ADAMTSL3: variants seen among roughly 807,000 people sequenced by gnomAD.
ADAMTSL3 encodes ADAMTS like 3.
Under a neutral mutation model 201.7 loss-of-function variants are expected in ADAMTSL3, and 128 were observed. That is an observed-to-expected ratio of 0.63 (90% CI 0.55 to 0.73). The LOEUF (loss-of-function observed/expected upper bound fraction) is 0.73. ADAMTSL3 is among the 30% of genes least tolerant of loss of function. The probability of loss-of-function intolerance (pLI) is 0.00; values close to 1 mark genes in which losing one functional copy is unlikely to be tolerated. For missense variants in ADAMTSL3, 1,990 were observed against 2,119.6 expected (o/e 0.94, Z 1.20); for synonymous variants, 738 against 748.4 (o/e 0.99, Z 0.23).
At chr15:83,923,475 T>C (rs1398542641) in intron 16 of ADAMTSL3, among the ~76,000 whole-genome samples, 2 of 152,214 alleles carry the variant, frequency 1.3e-5, no homozygotes, top group African/African-American at 2.4e-5. Context: ...TGCAGTGATA[T>C]AGAGAAAGTG....
chr15:83,865,132 G>A (rs11633097), intron 8 of ADAMTSL3, among the ~76,000 whole-genome samples: 21,091 of 152,192 alleles, frequency 0.14, 1,904 homozygotes, highest in Middle Eastern at 0.33. Context: ...ACAAGTGGAA[G>A]AACATTCCAT....
intron 4 of ADAMTSL3, among the ~76,000 whole-genome samples, chr15:83,779,644 G>C (rs2063134338): frequency 7.0e-6 from 1 of 142,724 alleles, no homozygotes; most frequent in Non-Finnish European, 1.5e-5. Flanking sequence ...CTTGCAGTGA[G>C]CCGAGATCGC....
chr15:83,824,480 A>G (rs1345076965), intron 6 of ADAMTSL3, among the ~76,000 whole-genome samples: 1 of 152,230 alleles, frequency 6.6e-6, no homozygotes, highest in African/African-American at 2.4e-5. Context: ...ACACTGACAC[A>G]TCATAATCAC....
intron 23 of ADAMTSL3, among the ~76,000 whole-genome samples, chr15:83,996,780 CAAAAAAAAAAAA>C (rs35758954): frequency 2.1e-4 from 7 of 33,838 alleles, no homozygotes; most frequent in Admixed American, 4.1e-4. Context: ...GACTCTGCCT[CAAAAAAAAAAAA>C]AAAAAAAAAA....
chr15:83,668,570 T>C (rs540638943), intron 2 of ADAMTSL3, among the ~76,000 whole-genome samples: 2 of 152,326 alleles, frequency 1.3e-5, no homozygotes, highest in East Asian at 3.9e-4. Flanking sequence ...TTTTCATTTT[T>C]ATTTTTGCTA....
At chr15:83,972,569 C>A (rs2067216003) in intron 20 of ADAMTSL3, among the ~76,000 whole-genome samples, 1 of 151,744 alleles carries the variant, frequency 6.6e-6, no homozygotes, top group Non-Finnish European at 1.5e-5. Flanking sequence ...CAATGTGGTA[C>A]AAGATGAAAT....
At chr15:83,993,315 A>G (rs1596510231) in intron 23 of ADAMTSL3, among the ~76,000 whole-genome samples, 1 of 152,218 alleles carries the variant, frequency 6.6e-6, no homozygotes, top group African/African-American at 2.4e-5. Context: ...ATATTATATT[A>G]ATAGAAGAAG....
At chr15:83,790,313 T>C (rs2063324935) in intron 4 of ADAMTSL3, among the ~76,000 whole-genome samples, 1 of 149,078 alleles carries the variant, frequency 6.7e-6, no homozygotes, top group Admixed American at 6.8e-5. Flanking sequence ...ATCTCATGAA[T>C]ATAGAAGTAA....
intron 15 of ADAMTSL3, among the ~76,000 whole-genome samples, chr15:83,907,672 G>T (rs2065865899): frequency 6.6e-6 from 1 of 152,092 alleles, no homozygotes; most frequent in Non-Finnish European, 1.5e-5. Flanking sequence ...CCAAAGTGCT[G>T]GGATTACAGG....
At chr15:83,873,904 A>G (rs2141835921) in intron 9 of ADAMTSL3, among the ~76,000 whole-genome samples, 1 of 145,366 alleles carries the variant, frequency 6.9e-6, no homozygotes, top group African/African-American at 2.6e-5. Flanking sequence ...AAGTAGGGTT[A>G]TTATTATTTT....
At chr15:84,025,784 A>C (rs1330615133) in intron 27 of ADAMTSL3, among the ~76,000 whole-genome samples, 1 of 152,196 alleles carries the variant, frequency 6.6e-6, no homozygotes, top group African/African-American at 2.4e-5. Flanking sequence ...CTTCATCCCA[A>C]ATGCCACCTT....
At chr15:83,850,520 A>G (rs2064590862) in intron 7 of ADAMTSL3, among the ~76,000 whole-genome samples, 1 of 150,284 alleles carries the variant, frequency 6.7e-6, no homozygotes, top group Non-Finnish European at 1.5e-5. Context: ...TTTAAATTAT[A>G]TATATATATA....
In ADAMTSL3 at chr15:83,988,705, G is replaced by A. The variant is rs1380133388; in HGVS notation, c.3731G>A (p.Gly1244Glu). ...LQPSVKIILDGTGKIQIQNPT... is the reference protein window; with the variant it reads ...LQPSVKIILDETGKIQIQNPT... ...CTGTTCTACAGAATAATTTTGGATG[G>A]AACTGGGAAGATACAGATACAGAAT... is the stretch of plus-strand genomic sequence containing the variant. Residue 1244 changes from glycine to glutamate, a missense_variant, in exon 22 of 30, where the codon GGA (glycine) becomes GAA (glutamate). Gly to Glu is a moderately conservative substitution (Grantham distance 98). Coordinates refer to ENST00000286744, the MANE Select transcript of ADAMTSL3 (RefSeq NM_207517.3). 6.2e-7 allele frequency: 1 copy of A among 1,605,082 alleles called. No individual in the cohort carries two copies. The highest frequency in any genetic ancestry group is 8.5e-7 in the Non-Finnish European group (1 of 1,175,002).
In ADAMTSL3 at chr15:83,897,897, G is replaced by A; in HGVS notation, c.1507G>A (p.Val503Ile). ...TCGRGLRYRV[V>I]LCINHRGEHV... Reference sequence around the variant, plus strand: ...TGGCCGAGGGTTACGGTACCGGGTTGTTCTGTGTATTAACCACCGCGGAGA... The same window carrying A: ...TGGCCGAGGGTTACGGTACCGGGTTATTCTGTGTATTAACCACCGCGGAGA... The change falls in exon 14 of 30, where the codon GTT (valine) becomes ATT (isoleucine). Residue 503 changes from valine (V) to isoleucine (I), a missense_variant. Val to Ile is a conservative substitution (Grantham distance 29). Coordinates refer to ENST00000286744, the MANE Select transcript of ADAMTSL3 (RefSeq NM_207517.3). 6.2e-7 allele frequency: 1 copy of A among 1,613,642 alleles called. No individual in the cohort carries two copies. The highest frequency in any genetic ancestry group is 8.5e-7 in the Non-Finnish European group (1 of 1,179,692).
At chr15:83,666,386 A>C (rs2061248148) in intron 2 of ADAMTSL3, among the ~76,000 whole-genome samples, 3 of 152,224 alleles carry the variant, frequency 2.0e-5, no homozygotes, top group African/African-American at 7.2e-5. Flanking sequence ...AATATATACT[A>C]CAGATTGTCT....
chr15:83,988,196 G>A (rs1018640335), intron 21 of ADAMTSL3, among the ~76,000 whole-genome samples: 5 of 152,054 alleles, frequency 3.3e-5, no homozygotes, highest in Non-Finnish European at 5.9e-5. Flanking sequence ...GACCTCAATC[G>A]ACTTCTTCAT....
At chr15:83,893,795 C>T (rs9329361) in intron 13 of ADAMTSL3, among the ~76,000 whole-genome samples, 12,510 of 151,990 alleles carry the variant, frequency 0.082, 1,719 homozygotes, top group African/African-American at 0.28. Flanking sequence ...AAAATGCAGC[C>T]GGATTAGTCA....
At chr15:83,995,738 A>G (rs1448206011) in intron 23 of ADAMTSL3, among the ~76,000 whole-genome samples, 1 of 152,272 alleles carries the variant, frequency 6.6e-6, no homozygotes, top group East Asian at 1.9e-4. Flanking sequence ...AATAATTTCA[A>G]TAAAAAAAGC....
chr15:83,676,189 T>A (rs778778614), intron 2 of ADAMTSL3, among the ~76,000 whole-genome samples: 3 of 152,196 alleles, frequency 2.0e-5, no homozygotes, highest in Non-Finnish European at 4.4e-5. Context: ...AGATTATTGA[T>A]TTGAGATCTT....
Sources: allele counts gnomAD v4.1 joint callset (sites outside exome capture counted in the v4.1 genomes callset), GRCh38; gene constraint gnomAD v4.1.1; transcripts MANE v1.5; gene names NCBI Gene and HGNC (gene_info 2026-07-23, HGNC 2026-07-21).